Variants in FER1L6 observed in about 807,000 individuals in gnomAD.
FER1L6 encodes fer-1 like family member 6, also known as fer-1-like protein 6.
A neutral mutation model predicts 219.2 loss-of-function variants in FER1L6; 177 were observed. The observed-to-expected ratio is 0.81, with a 90% confidence interval of 0.71 to 0.91. FER1L6 has a LOEUF of 0.91. Ranked by LOEUF, FER1L6 falls within the 40% of genes least tolerant of loss-of-function variation. The pLI, the probability that FER1L6 is intolerant of heterozygous loss-of-function variation, is 0.00. For synonymous variants in FER1L6, 768 were observed against 824.3 expected (o/e 0.93, Z 1.17); for missense variants, 2,153 against 2,259.9 (o/e 0.95, Z 0.96).
At chr8:123,942,070 C>T (rs1272915776) in intron 1 of FER1L6, among the ~76,000 whole-genome samples, 1 of 152,106 alleles carries the variant, frequency 6.6e-6, no homozygotes. Context: ...TGAGCCCAGG[C>T]CCCTTCCTTT....
rs551046900 is a variant in FER1L6 at position 124,083,262 on chromosome 8, T to G, written c.4391+804T>G. The stretch of plus-strand genomic sequence containing the variant: ...GTATCTTATTCTATCTAACTATATT[T>G]TTGTACTCATTAACCATCATCCACT... On this transcript the variant is annotated intron_variant, in intron 33 of 40. Coordinates refer to ENST00000522917, the MANE Select transcript of FER1L6 (RefSeq NM_001039112.2). Among the ~76,000 whole-genome samples, 18 of 152,306 alleles carry G rather than the reference T, an allele frequency of 1.2e-4. No homozygotes were observed. In the East Asian group the frequency reaches 3.3e-3, roughly 28 times the overall value.
intron 31 of FER1L6, among the ~76,000 whole-genome samples, chr8:124,073,176 T>TG (rs1821149992): frequency 1.3e-5 from 2 of 152,212 alleles, no homozygotes; most frequent in Non-Finnish European, 2.9e-5. Context: ...CTACAGAGAT[T>TG]GGAGAAAGAT....
intron 4 of FER1L6, 45 bp from the exon 5 acceptor site, chr8:123,966,114 G>A: frequency 1.9e-6 from 3 of 1,613,782 alleles, no homozygotes; most frequent in Non-Finnish European, 2.5e-6. Context: ...CTGTGTGCAT[G>A]GATGGCGGTG....
At chr8:123,858,715 G>A (rs550473694) in intron 1 of FER1L6, among the ~76,000 whole-genome samples, 1 of 152,320 alleles carries the variant, frequency 6.6e-6, no homozygotes, top group Non-Finnish European at 1.5e-5. Context: ...CTCACTAGAC[G>A]ACCAGGAAGA....
At chr8:123,923,945 A>G (rs1184953079) in intron 1 of FER1L6, among the ~76,000 whole-genome samples, 1 of 133,094 alleles carries the variant, frequency 7.5e-6, no homozygotes, top group Non-Finnish European at 1.5e-5. Flanking sequence ...AACTAAGAAA[A>G]AAAAAAAAAA....
intron 1 of FER1L6, among the ~76,000 whole-genome samples, chr8:123,890,913 T>C (rs1414718345): frequency 1.3e-5 from 2 of 152,114 alleles, no homozygotes; most frequent in African/African-American, 2.4e-5. Context: ...ATGCAATCAA[T>C]AATTTGAGTT....
Position 124,062,043 on chromosome 8 carries a change from G to T in FER1L6, c.3328+11G>T. 3.7e-6 allele frequency: 6 copies of T among 1,613,710 alleles called. No individual in the cohort carries two copies. The highest frequency in any genetic ancestry group is 5.1e-6 in the Non-Finnish European group (6 of 1,179,706). ...CCCAGCCTGGGCACGGTGAGAAGCTGCTCTTAGATTTTGTAGCTGTAACTA... is the reference window on the plus strand; with the variant it reads ...CCCAGCCTGGGCACGGTGAGAAGCTTCTCTTAGATTTTGTAGCTGTAACTA... On this transcript the variant is annotated intron_variant, in intron 25 of 40. Transcript: ENST00000522917.
At chr8:124,069,324 GC>G (rs1563779439) in intron 28 of FER1L6, 35 bp from the exon 29 acceptor site, 7 of 1,479,426 alleles carry the variant, frequency 4.7e-6, no homozygotes. Context: ...CATCTCAACC[GC>G]CATGAGAAAC....
intron 1 of FER1L6, among the ~76,000 whole-genome samples, chr8:123,894,733 G>C (rs772359008): frequency 7.9e-5 from 12 of 152,066 alleles, no homozygotes; most frequent in Non-Finnish European, 1.3e-4. Flanking sequence ...GAAAGTACAA[G>C]ATGACCCCTA....
At chr8:123,908,082 C>G (rs1377879016) in intron 1 of FER1L6, among the ~76,000 whole-genome samples, 1 of 152,010 alleles carries the variant, frequency 6.6e-6, no homozygotes. Context: ...CTGTTAGATG[C>G]TTGAAAAATG....
intron 10 of FER1L6, 39 bp downstream of exon 10, chr8:123,977,648 A>C: frequency 1.3e-6 from 2 of 1,595,840 alleles, no homozygotes; most frequent in Non-Finnish European, 1.7e-6. Flanking sequence ...ATGTCTCAAA[A>C]TGCTTGCTTT....
chr8:124,092,254 T>C (rs1187940050), intron 34 of FER1L6, among the ~76,000 whole-genome samples: 2 of 152,206 alleles, frequency 1.3e-5, no homozygotes, highest in Non-Finnish European at 2.9e-5. Context: ...GGTTATGCCA[T>C]TTACTCACAT....
At chr8:123,962,285 G>T (rs1353805177) in intron 2 of FER1L6, among the ~76,000 whole-genome samples, 1 of 152,206 alleles carries the variant, frequency 6.6e-6, no homozygotes, top group African/African-American at 2.4e-5. Context: ...CTGGGAGTCA[G>T]TTATTCAGTG....
At chr8:124,094,364 C>G (rs1200907947) in intron 34 of FER1L6, among the ~76,000 whole-genome samples, 1 of 152,142 alleles carries the variant, frequency 6.6e-6, no homozygotes, top group African/African-American at 2.4e-5. Context: ...CTCTTGTGAA[C>G]TAGTCTTATT....
chr8:124,119,582 T>C (rs768150516), intron 40 of FER1L6, 25 bp from the exon 41 acceptor site: 1 of 1,538,952 alleles, frequency 6.5e-7, no homozygotes, highest in South Asian at 1.1e-5. Flanking sequence ...GCCCCCTTTT[T>C]GATTTTCTCT....
chr8:124,048,092 A>G (rs1292923589), intron 21 of FER1L6, among the ~76,000 whole-genome samples: 1 of 152,220 alleles, frequency 6.6e-6, no homozygotes, highest in African/African-American at 2.4e-5. Context: ...TCCCCAAAAC[A>G]GGTCTGTCTC....
chr8:124,026,475 G>T (rs77498438), intron 18 of FER1L6, among the ~76,000 whole-genome samples: 19 of 152,192 alleles, frequency 1.2e-4, no homozygotes, highest in African/African-American at 4.6e-4. Context: ...AGTGTTTGTG[G>T]GGCAGTATAT....
chr8:123,911,311 A>T (rs1813043568), intron 1 of FER1L6, among the ~76,000 whole-genome samples: 1 of 152,216 alleles, frequency 6.6e-6, no homozygotes, highest in Admixed American at 6.5e-5. Context: ...TTTGGGCCTT[A>T]ACATTTTAAA....
intron 12 of FER1L6, among the ~76,000 whole-genome samples, chr8:124,001,534 A>G (rs1048434156): frequency 6.6e-6 from 1 of 152,232 alleles, no homozygotes; most frequent in East Asian, 1.9e-4. Flanking sequence ...ATAGCTGGTG[A>G]ATTTTAAAAA....
Sources: gnomAD v4.1 joint callset for allele counts (sites outside exome capture counted in the v4.1 genomes callset) on GRCh38, gnomAD v4.1.1 for gene constraint, MANE v1.5 for transcripts, NCBI Gene and HGNC (gene_info 2026-07-23, HGNC 2026-07-21) for gene names.